Variants in ZMAT4 observed in about 807,000 individuals in gnomAD.
ZMAT4 encodes the protein zinc finger matrin-type 4.
Under a neutral mutation model 28.7 loss-of-function variants are expected in ZMAT4, and 17 were observed. That is an observed-to-expected ratio of 0.59 (90% CI 0.41 to 0.89). The LOEUF (loss-of-function observed/expected upper bound fraction) is 0.89, where lower values mean the gene tolerates loss of function less well. ZMAT4 is among the 40% of genes least tolerant of loss of function. The probability of loss-of-function intolerance (pLI) is 0.00; values close to 1 mark genes in which losing one functional copy is unlikely to be tolerated. For missense variants in ZMAT4, 240 were observed against 283.8 expected, an observed-to-expected ratio of 0.85 and a Z score of 1.11; for synonymous variants, 117 against 109.2, an observed-to-expected ratio of 1.07 and a Z score of -0.44.
At chr8:40,658,607 G>T (rs2118845821) in intron 5 of ZMAT4, among the ~76,000 whole-genome samples, 1 of 133,108 alleles carries the variant, frequency 7.5e-6, no homozygotes, top group South Asian at 2.5e-4. Context: ...GGTTTAGGCA[G>T]CGTTAGACAC....
chr8:40,631,866 A>G (rs1157304714), intron 5 of ZMAT4, among the ~76,000 whole-genome samples: 2 of 152,228 alleles, frequency 1.3e-5, no homozygotes, highest in Admixed American at 6.5e-5. Context: ...ACCCTGAGAT[A>G]TGGCAATCCA....
intron 1 of ZMAT4, among the ~76,000 whole-genome samples, chr8:40,872,092 G>A (rs1817877908): frequency 6.6e-6 from 1 of 152,192 alleles, no homozygotes; most frequent in Non-Finnish European, 1.5e-5. Flanking sequence ...CTGCTTGGAA[G>A]TGGGGAGCAC....
rs543142233 is a variant in ZMAT4 at position 40,615,068 on chromosome 8, T to C, written c.578-33807A>G. ...TGTTTTTGCAGTGGCTGGTACCAGT[T>C]GTTCCTTTCCATGTTTAGTGTTTCC... On this transcript the variant is annotated intron_variant, in intron 5 of 6. Coordinates refer to ENST00000297737, the MANE Select transcript of ZMAT4 (RefSeq NM_024645.3). 3.2e-3 allele frequency among the ~76,000 whole-genome samples: 481 copies of C among 152,334 alleles called. 2 individuals are homozygous for C. The highest frequency in any genetic ancestry group is 0.011 in the African/African-American group (458 of 41,578).
At chr8:40,895,689 C>G (rs995262169) in intron 1 of ZMAT4, among the ~76,000 whole-genome samples, 3 of 152,290 alleles carry the variant, frequency 2.0e-5, no homozygotes, top group Non-Finnish European at 4.4e-5. Context: ...TTTCAAATGC[C>G]TTACTTTTAA....
chr8:40,664,039 T>C (rs981093254), intron 5 of ZMAT4, among the ~76,000 whole-genome samples: 5 of 152,172 alleles, frequency 3.3e-5, no homozygotes, highest in Non-Finnish European at 5.9e-5. Flanking sequence ...GTGGAGAATG[T>C]GGAGTGTAGT....
intron 6 of ZMAT4, among the ~76,000 whole-genome samples, chr8:40,576,315 C>G (rs1804261518): frequency 6.6e-6 from 1 of 151,426 alleles, no homozygotes; most frequent in South Asian, 2.1e-4. Flanking sequence ...AAACACAGCT[C>G]AAAAGTTCCC....
intron 5 of ZMAT4, among the ~76,000 whole-genome samples, chr8:40,598,646 C>G (rs1229309215): frequency 6.6e-6 from 1 of 152,072 alleles, no homozygotes; most frequent in African/African-American, 2.4e-5. Flanking sequence ...CAAGTCTTTG[C>G]TCTTGTGAAT....
intron 1 of ZMAT4, among the ~76,000 whole-genome samples, chr8:40,834,156 G>T (rs140749777): frequency 2.0e-5 from 3 of 152,178 alleles, no homozygotes; most frequent in African/African-American, 7.2e-5. Context: ...CCCCAGCCGC[G>T]GGCCGTGGAA....
chr8:40,895,666 C>T (rs1438763629), intron 1 of ZMAT4, among the ~76,000 whole-genome samples: 2 of 152,168 alleles, frequency 1.3e-5, no homozygotes, highest in Non-Finnish European at 2.9e-5. Flanking sequence ...CATGACTCAC[C>T]CTTCAGGAGC....
chr8:40,818,447 A>T (rs928309661), intron 2 of ZMAT4, among the ~76,000 whole-genome samples: 1 of 152,238 alleles, frequency 6.6e-6, no homozygotes, highest in Non-Finnish European at 1.5e-5. Context: ...TTATCTGTGT[A>T]GTAAGTCCTA....
At chr8:40,878,290 G>C (rs1308996180) in intron 1 of ZMAT4, among the ~76,000 whole-genome samples, 2 of 152,094 alleles carry the variant, frequency 1.3e-5, no homozygotes, top group African/African-American at 4.8e-5. Context: ...AAGTCAGGTG[G>C]CTCCCCCTCC....
At chr8:40,790,454 C>A (rs889854342) in intron 2 of ZMAT4, among the ~76,000 whole-genome samples, 2 of 151,868 alleles carry the variant, frequency 1.3e-5, no homozygotes, top group African/African-American at 4.8e-5. Flanking sequence ...ATTCTGTCAC[C>A]CAGAATGAAT....
intron 5 of ZMAT4, among the ~76,000 whole-genome samples, chr8:40,645,907 C>A (rs1032944380): frequency 6.6e-6 from 1 of 151,894 alleles, no homozygotes; most frequent in African/African-American, 2.4e-5. Flanking sequence ...AATAATACAA[C>A]AAAGTGATAC....
chr8:40,628,725 CAG>C (rs1340300481), intron 5 of ZMAT4, among the ~76,000 whole-genome samples: 2 of 152,096 alleles, frequency 1.3e-5, no homozygotes, highest in African/African-American at 2.4e-5. Flanking sequence ...TAACTTGGAG[CAG>C]AGAGATGGAA....
chr8:40,890,744 C>T (rs1037861143), intron 1 of ZMAT4, among the ~76,000 whole-genome samples: 1 of 152,184 alleles, frequency 6.6e-6, no homozygotes, highest in Non-Finnish European at 1.5e-5. Flanking sequence ...CCCTACCTCC[C>T]CTTGCCCCCA....
At chr8:40,842,648 C>G (rs957257929) in intron 1 of ZMAT4, among the ~76,000 whole-genome samples, 2 of 152,186 alleles carry the variant, frequency 1.3e-5, no homozygotes, top group Non-Finnish European at 1.5e-5. Context: ...AGTCCATGAA[C>G]AACTAGGCAC....
intron 1 of ZMAT4, among the ~76,000 whole-genome samples, chr8:40,885,196 C>G (rs1380569158): frequency 6.6e-6 from 1 of 152,120 alleles, no homozygotes; most frequent in Admixed American, 6.5e-5. Context: ...TCGTTTCCTC[C>G]CTCTCTACTC....
intron 2 of ZMAT4, among the ~76,000 whole-genome samples, chr8:40,805,017 C>A (rs1464902661): frequency 1.3e-5 from 2 of 150,422 alleles, no homozygotes; most frequent in Non-Finnish European, 1.5e-5. Flanking sequence ...AGGCAACCTA[C>A]AAAATGGGAG....
chr8:40,602,666 T>C (rs1029080340), intron 5 of ZMAT4, among the ~76,000 whole-genome samples: 3 of 152,232 alleles, frequency 2.0e-5, no homozygotes, highest in African/African-American at 7.2e-5. Context: ...CATTTTTATG[T>C]CTTCTTTTGA....
Sources: allele counts gnomAD v4.1 joint callset (sites outside exome capture counted in the v4.1 genomes callset), GRCh38; gene constraint gnomAD v4.1.1; transcripts MANE v1.5; gene names NCBI Gene and HGNC (gene_info 2026-07-23, HGNC 2026-07-21).